Variants in KDM2A observed in about 807,000 individuals in gnomAD.
The protein encoded by KDM2A is lysine demethylase 2A, also known as lysine-specific demethylase 2A.
A neutral mutation model predicts 137.3 loss-of-function variants in KDM2A; 3 were observed. The observed-to-expected ratio is 0.02, with a 90% CI of 0.01 to 0.06. KDM2A has a LOEUF of 0.06. Among genes scored for constraint, KDM2A ranks in the 10% least tolerant of loss-of-function variants. The probability of loss-of-function intolerance (pLI) is 1.00; values close to 1 mark genes in which losing one functional copy is unlikely to be tolerated. For synonymous variants in KDM2A, 512 were observed against 541.5 expected (o/e 0.95, Z 0.76); for missense variants, 738 against 1,510.6 (o/e 0.49, Z 8.48).
At chr11:67,174,687 G>C (rs1403111864) in intron 2 of KDM2A, among the ~76,000 whole-genome samples, 1 of 152,090 alleles carries the variant, frequency 6.6e-6, no homozygotes, top group Non-Finnish European at 1.5e-5. Flanking sequence ...ACTAAACTGG[G>C]AATGGTGAAT....
At chr11:67,242,919 G>T in intron 12 of KDM2A, 90 bp from the exon 13 acceptor site, 1 of 931,262 alleles carries the variant, frequency 1.1e-6, no homozygotes, top group Admixed American at 1.8e-5. Context: ...CTACTCAAGG[G>T]TACTGAGGCA....
At chr11:67,201,110 C>T (rs1033367689) in intron 5 of KDM2A, among the ~76,000 whole-genome samples, 6 of 151,298 alleles carry the variant, frequency 4.0e-5, no homozygotes, top group South Asian at 2.1e-4. Flanking sequence ...AGGAGAATGG[C>T]GTGAACCCGG....
At chr11:67,147,767 T>G (rs1254493683) in intron 2 of KDM2A, among the ~76,000 whole-genome samples, 2 of 151,308 alleles carry the variant, frequency 1.3e-5, no homozygotes, top group Admixed American at 1.3e-4. Context: ...AACTGCCGCC[T>G]CCTGGGTTCA....
intron 5 of KDM2A, among the ~76,000 whole-genome samples, chr11:67,200,279 G>A (rs1240993325): frequency 1.3e-5 from 2 of 151,536 alleles, no homozygotes; most frequent in Non-Finnish European, 2.9e-5. Context: ...GCAGTGGCAC[G>A]ATCTCAGCTC....
intron 13 of KDM2A, chr11:67,243,597 T>G (rs183793129): frequency 6.5e-6 from 1 of 152,768 alleles, no homozygotes; most frequent in African/African-American, 2.4e-5. Flanking sequence ...GTGGATCACC[T>G]GAGGTCAGGA....
At chr11:67,236,069 G>A (rs191365381) in intron 12 of KDM2A, among the ~76,000 whole-genome samples, 1 of 152,312 alleles carries the variant, frequency 6.6e-6, no homozygotes, top group East Asian at 1.9e-4. Flanking sequence ...ATCTAAAAGG[G>A]TACATCCCAG....
At chr11:67,197,535 T>G (rs1021722233) in intron 5 of KDM2A, among the ~76,000 whole-genome samples, 1 of 152,244 alleles carries the variant, frequency 6.6e-6, no homozygotes, top group Non-Finnish European at 1.5e-5. Context: ...GTTTCTTGGA[T>G]AGCTAATCAT....
intron 18 of KDM2A, 106 bp from the exon 19 acceptor site, chr11:67,253,347 T>G: frequency 1.1e-6 from 1 of 951,158 alleles, no homozygotes; most frequent in Non-Finnish European, 1.6e-6. Context: ...GGCATAGTCC[T>G]TCTCTCCTAT....
In KDM2A at chr11:67,154,270, T is replaced by C. The variant is rs890859932; in HGVS notation, c.43-25809T>C. On this transcript the variant is annotated intron_variant, in intron 2 of 20. Coordinates refer to ENST00000529006, the MANE Select transcript of KDM2A (RefSeq NM_012308.3). ...AGAATGGTTTTTACGTCTTTTAATATATAATTGTTTTAAATTGAGGTAAAA... is the reference window on the plus strand; with the variant it reads ...AGAATGGTTTTTACGTCTTTTAATACATAATTGTTTTAAATTGAGGTAAAA... Among the ~76,000 whole-genome samples, 7 of 152,204 alleles carry C rather than the reference T, an allele frequency of 4.6e-5. No individual in the cohort carries two copies. In the East Asian group the frequency reaches 1.3e-3, roughly 29 times the overall value.
At chr11:67,249,068 G>C (rs1859330388) in intron 16 of KDM2A, among the ~76,000 whole-genome samples, 1 of 152,206 alleles carries the variant, frequency 6.6e-6, no homozygotes, top group African/African-American at 2.4e-5. Context: ...AGCAGGGAAG[G>C]GGGCAGAAAG....
intron 11 of KDM2A, among the ~76,000 whole-genome samples, chr11:67,229,640 G>A (rs1180497308): frequency 6.6e-6 from 1 of 152,086 alleles, no homozygotes; most frequent in Non-Finnish European, 1.5e-5. Flanking sequence ...GGAGGCTGAG[G>A]CGGGCGGATC....
intron 10 of KDM2A, among the ~76,000 whole-genome samples, chr11:67,222,061 T>TC (rs1555094893): frequency 1.7e-5 from 2 of 116,084 alleles, no homozygotes; most frequent in Non-Finnish European, 3.1e-5. Flanking sequence ...CTGTCATTCT[T>TC]TTTTTTTTTT....
intron 5 of KDM2A, among the ~76,000 whole-genome samples, chr11:67,190,597 T>C (rs1857328180): frequency 6.6e-6 from 1 of 151,388 alleles, no homozygotes; most frequent in East Asian, 2.0e-4. Flanking sequence ...CTGTCTCTAC[T>C]GAAAATACAA....
intron 6 of KDM2A, among the ~76,000 whole-genome samples, chr11:67,213,220 G>A (rs1858046298): frequency 6.6e-6 from 1 of 152,086 alleles, no homozygotes; most frequent in African/African-American, 2.4e-5. Flanking sequence ...ACATTATAAG[G>A]GAAGTAAGTG....
intron 2 of KDM2A, among the ~76,000 whole-genome samples, chr11:67,126,707 CAA>C (rs765065960): frequency 1.0e-3 from 75 of 75,216 alleles, no homozygotes; most frequent in African/African-American, 7.6e-4. Flanking sequence ...GACTCCATTT[CAA>C]AAAAAAAAAA....
intron 5 of KDM2A, among the ~76,000 whole-genome samples, chr11:67,203,446 TATA>T (rs1857704046): frequency 2.9e-5 from 2 of 68,452 alleles, no homozygotes; most frequent in African/African-American, 5.7e-5. Flanking sequence ...AATATATTAA[TATA>T]ATTATATTTA....
At chr11:67,193,820 CGTT>C (rs1392939768) in intron 5 of KDM2A, among the ~76,000 whole-genome samples, 1 of 152,172 alleles carries the variant, frequency 6.6e-6, no homozygotes, top group East Asian at 1.9e-4. Context: ...GAGACCATGT[CGTT>C]GTATTCCAGC....
intron 11 of KDM2A, among the ~76,000 whole-genome samples, chr11:67,229,813 T>G (rs888130384): frequency 4.0e-5 from 6 of 150,986 alleles, no homozygotes; most frequent in Non-Finnish European, 8.8e-5. Flanking sequence ...GAGGTTGCAG[T>G]GAGCCGAGAT....
intron 2 of KDM2A, among the ~76,000 whole-genome samples, chr11:67,151,911 A>T (rs1475181395): frequency 2.0e-5 from 3 of 152,018 alleles, no homozygotes; most frequent in Non-Finnish European, 4.4e-5. Context: ...CACCGGGCTA[A>T]TTTTTTTAAT....
Sources: gnomAD v4.1 joint callset for allele counts (sites outside exome capture counted in the v4.1 genomes callset) on GRCh38, gnomAD v4.1.1 for gene constraint, MANE v1.5 for transcripts, NCBI Gene and HGNC (gene_info 2026-07-23, HGNC 2026-07-21) for gene names.